The following NELL1 variants were observed in gnomAD, a reference collection of about 807,000 sequenced individuals.
NELL1 encodes neural EGFL like 1.
In NELL1, 76 loss-of-function variants were observed where a neutral mutation model predicts 107.4. The observed-to-expected ratio is 0.71, with a 90% CI of 0.59 to 0.86. The LOEUF is 0.86. Among genes scored for constraint, NELL1 ranks in the 40% least tolerant of loss-of-function variants. The probability of loss-of-function intolerance (pLI) is 0.00; values close to 1 mark genes in which losing one functional copy is unlikely to be tolerated. For missense variants in NELL1, 1,024 were observed against 1,005.5 expected (o/e 1.02, Z -0.25); for synonymous variants, 353 against 341.2 (o/e 1.03, Z -0.38).
intron 14 of NELL1, among the ~76,000 whole-genome samples, chr11:21,250,091 A>C (rs1361799761): frequency 3.3e-5 from 5 of 152,190 alleles, no homozygotes; most frequent in African/African-American, 1.2e-4. Context: ...CTTAGTAACC[A>C]GTACTTTTGC....
chr11:20,929,625 T>C (rs1850575160), intron 9 of NELL1, among the ~76,000 whole-genome samples: 1 of 152,126 alleles, frequency 6.6e-6, no homozygotes. Flanking sequence ...GAGTTGTTAG[T>C]AGGTACAGAT....
chr11:20,709,786 A>T (rs1251750454), intron 2 of NELL1, among the ~76,000 whole-genome samples: 1 of 151,162 alleles, frequency 6.6e-6, no homozygotes, highest in African/African-American at 2.4e-5. Flanking sequence ...TTAATATTTT[A>T]TTATTATTCT....
chr11:21,313,688 C>T (rs532500321), intron 14 of NELL1, among the ~76,000 whole-genome samples: 1 of 152,264 alleles, frequency 6.6e-6, no homozygotes, highest in Admixed American at 6.5e-5. Context: ...ACAGCAGCAG[C>T]TCTAGGTAGT....
intron 15 of NELL1, among the ~76,000 whole-genome samples, chr11:21,439,017 C>CTAAAG (rs1853208186): frequency 1.3e-5 from 2 of 151,672 alleles, no homozygotes; most frequent in African/African-American, 4.8e-5. Flanking sequence ...TAGAGGTAAT[C>CTAAAG]CCATCAGGTA....
chr11:21,566,687 T>C (rs948030675), intron 17 of NELL1, among the ~76,000 whole-genome samples: 1 of 151,886 alleles, frequency 6.6e-6, no homozygotes, highest in African/African-American at 2.4e-5. Context: ...CAAAGATCTC[T>C]GATAAAAGGA....
chr11:21,143,704 G>A (rs113830649), intron 13 of NELL1, among the ~76,000 whole-genome samples: 2,128 of 152,212 alleles, frequency 0.014, 48 homozygotes, highest in African/African-American at 0.048. Context: ...GGGGCATTGG[G>A]TTTCTATGGT....
At chr11:21,048,858 G>C (rs1342654524) in intron 12 of NELL1, among the ~76,000 whole-genome samples, 2 of 152,054 alleles carry the variant, frequency 1.3e-5, no homozygotes, top group South Asian at 4.2e-4. Context: ...GTTCCAGCTG[G>C]CAAGACAGAG....
At chr11:20,745,989 G>C (rs1855994237) in intron 2 of NELL1, among the ~76,000 whole-genome samples, 2 of 152,182 alleles carry the variant, frequency 1.3e-5, no homozygotes, top group Admixed American at 1.3e-4. Context: ...CCTGTCTAAA[G>C]TCTGTTAACT....
At chr11:21,204,694 C>A (rs1488971514) in intron 13 of NELL1, among the ~76,000 whole-genome samples, 1 of 151,860 alleles carries the variant, frequency 6.6e-6, no homozygotes, top group Non-Finnish European at 1.5e-5. Context: ...AAGAGGAGTT[C>A]TTTTTTTCTG....
At chr11:21,107,605 G>T (rs375764994) in intron 12 of NELL1, among the ~76,000 whole-genome samples, 4 of 152,072 alleles carry the variant, frequency 2.6e-5, no homozygotes, top group Admixed American at 2.6e-4. Flanking sequence ...GTGGGGGCTC[G>T]GGTCATCTAG....
Position 21,416,040 on chromosome 11 carries a change from TTGGTCTCCTG to T in NELL1, c.1645+45093_1645+45102del, listed in dbSNP as rs533188073. On this transcript the variant is annotated intron_variant, in intron 15 of 19. Coordinates refer to ENST00000357134, the MANE Select transcript of NELL1 (RefSeq NM_006157.5). Reference sequence around the variant, plus strand: ...TGCGACAATTGAAGTATGCATTGTTTTGGTCTCCTGGAGGCCCTGCTGCTGTAACACTCTA... The same window carrying T: ...TGCGACAATTGAAGTATGCATTGTTTGAGGCCCTGCTGCTGTAACACTCTA... Among the ~76,000 whole-genome samples, 24 of 152,186 alleles carry T rather than the reference TTGGTCTCCTG, an allele frequency of 1.6e-4. No individual in the cohort carries two copies. In the South Asian group the frequency reaches 4.4e-3, roughly 28 times the overall value.
At chr11:21,202,904 G>C (rs919649400) in intron 13 of NELL1, among the ~76,000 whole-genome samples, 1 of 151,872 alleles carries the variant, frequency 6.6e-6, no homozygotes, top group African/African-American at 2.4e-5. Context: ...TTCGGTAGCA[G>C]GTTGTTCAGT....
At chr11:21,472,699 G>A (rs1854213486) in intron 15 of NELL1, among the ~76,000 whole-genome samples, 1 of 151,634 alleles carries the variant, frequency 6.6e-6, no homozygotes, top group South Asian at 2.1e-4. Context: ...TCTTTCCTTG[G>A]CCAGCCTGGG....
chr11:21,364,414 A>AC (rs1169381376), intron 14 of NELL1, among the ~76,000 whole-genome samples: 1 of 85,592 alleles, frequency 1.2e-5, no homozygotes, highest in Non-Finnish European at 3.3e-5. Context: ...CTGTCTCAAA[A>AC]AAAAAAAAAA....
chr11:20,726,449 G>A (rs1855510874), intron 2 of NELL1, among the ~76,000 whole-genome samples: 1 of 149,908 alleles, frequency 6.7e-6, no homozygotes, highest in African/African-American at 2.5e-5. Flanking sequence ...CACCGGAAAA[G>A]ATAACCATAA....
intron 16 of NELL1, among the ~76,000 whole-genome samples, chr11:21,540,385 A>G (rs1358922447): frequency 1.3e-5 from 2 of 151,856 alleles, no homozygotes; most frequent in Non-Finnish European, 2.9e-5. Flanking sequence ...CATTTTCCCT[A>G]CCTCCATCAA....
intron 14 of NELL1, among the ~76,000 whole-genome samples, chr11:21,232,159 A>ATATATATATATATATAT (rs1270859097): frequency 1.1e-4 from 8 of 73,180 alleles, no homozygotes; most frequent in Non-Finnish European, 1.7e-4. Flanking sequence ...AAAAAAAAAA[A>ATATATATATATATATAT]ATATATATAT....
chr11:20,946,175 G>A (rs944079285), intron 10 of NELL1, among the ~76,000 whole-genome samples: 2 of 152,118 alleles, frequency 1.3e-5, no homozygotes, highest in East Asian at 1.9e-4. Context: ...CTGGGATGAC[G>A]GTCTCATGAA....
At chr11:20,918,871 A>G (rs887982205) in intron 6 of NELL1, among the ~76,000 whole-genome samples, 8 of 152,030 alleles carry the variant, frequency 5.3e-5, no homozygotes, top group African/African-American at 1.9e-4. Context: ...GGATATAGAA[A>G]GATATGTTTA....
Sources: allele counts gnomAD v4.1 joint callset (sites outside exome capture counted in the v4.1 genomes callset), GRCh38; gene constraint gnomAD v4.1.1; transcripts MANE v1.5; gene names NCBI Gene and HGNC (gene_info 2026-07-23, HGNC 2026-07-21).